Variants in PPFIA1 observed in about 807,000 individuals in gnomAD.
The protein encoded by PPFIA1 is PPFI scaffold protein A1, also known as liprin-alpha-1.
A neutral mutation model predicts 149.9 loss-of-function variants in PPFIA1; 25 were observed. The ratio of observed to expected loss-of-function variants is 0.17; its 90% CI spans 0.12 to 0.23. The LOEUF (loss-of-function observed/expected upper bound fraction) is 0.23. Among genes scored for constraint, PPFIA1 ranks in the 10% least tolerant of loss-of-function variants. The pLI is 1.00. For missense variants in PPFIA1, 1,362 were observed against 1,506.5 expected, an observed-to-expected ratio of 0.90 and a Z score of 1.59; for synonymous variants, 549 against 552.8, an observed-to-expected ratio of 0.99 and a Z score of 0.10.
intron 21 of PPFIA1, chr11:70,365,697 C>T: frequency 5.7e-6 from 2 of 352,842 alleles, no homozygotes; most frequent in Non-Finnish European, 1.1e-5. Flanking sequence ...TCAGTTGAGC[C>T]TCCATGTGAC....
At chr11:70,365,185 A>G (rs1401579008) in intron 21 of PPFIA1, 3 of 240,490 alleles carry the variant, frequency 1.2e-5, no homozygotes, top group Non-Finnish European at 2.6e-5. Context: ...TCTTCTCCTG[A>G]TGGTGTTGAC....
chr11:70,308,151 C>T (rs1041349330), intron 2 of PPFIA1, among the ~76,000 whole-genome samples: 4 of 152,328 alleles, frequency 2.6e-5, no homozygotes, highest in Non-Finnish European at 4.4e-5. Flanking sequence ...TGGGATCAAG[C>T]GATTCTCCTC....
intron 2 of PPFIA1, among the ~76,000 whole-genome samples, chr11:70,304,128 G>A (rs138490312): frequency 6.6e-6 from 1 of 152,308 alleles, no homozygotes; most frequent in African/African-American, 2.4e-5. Context: ...GTTATCCAGT[G>A]GCCAATGATG....
At chr11:70,275,929 T>G (rs2050356747) in intron 2 of PPFIA1, among the ~76,000 whole-genome samples, 1 of 152,220 alleles carries the variant, frequency 6.6e-6, no homozygotes. Flanking sequence ...GGATTACCAC[T>G]GTGAGCCACC....
intron 23 of PPFIA1, chr11:70,373,966 A>G (rs913403670): frequency 5.9e-5 from 9 of 152,230 alleles, no homozygotes; most frequent in Admixed American, 5.2e-4. Flanking sequence ...TCTTTTTCCA[A>G]TAGACAAAGA....
Position 70,343,872 on chromosome 11 carries a change from C to G in PPFIA1, c.1911C>G (p.Asp637Glu), listed in dbSNP as rs556328141. 1 of 1,613,696 alleles carries G rather than the reference C, an allele frequency of 6.2e-7. No individual in the cohort carries two copies. The highest frequency in any genetic ancestry group is 1.1e-5 in the South Asian group (1 of 90,976). ...TLAMMLQEQL[D>E]AINKEIRLIQ... Reference sequence around the variant, plus strand: ...CCATGATGCTTCAGGAGCAGCTGGACGCCATCAACAAAGAGATCAGGTGTG... The same window carrying G: ...CCATGATGCTTCAGGAGCAGCTGGAGGCCATCAACAAAGAGATCAGGTGTG... The change falls in exon 15 of 28, where the codon GAC becomes GAG. Residue 637 changes from aspartate to glutamate, a missense_variant. Physicochemically the swap from Asp to Glu is conservative, Grantham distance 45. This residue lies in a region of PPFIA1 where 733 missense variants were observed against 744.1 expected (regional missense o/e 0.99). Transcript: ENST00000253925.
chr11:70,315,437 A>G lies in PPFIA1; in HGVS notation c.265-8965A>G, dbSNP rs139259012. On this transcript the variant is annotated intron_variant, in intron 2 of 27. Coordinates refer to ENST00000253925, the MANE Select transcript of PPFIA1 (RefSeq NM_003626.5). ...ATAGATGTTTATTAGCATACTTTTA[A>G]TCGTGGCACCAGGGTTTCAAAACAT... Among the ~76,000 whole-genome samples, 764 of 152,228 alleles carry G rather than the reference A, an allele frequency of 5.0e-3. 10 individuals carry two copies. Among genetic ancestry groups the G allele is most frequent in the African/African-American group, 0.017 (720 of 41,530 alleles).
At chr11:70,363,488 T>C (rs1242756156) in intron 21 of PPFIA1, 1 of 152,234 alleles carries the variant, frequency 6.6e-6, no homozygotes, top group Admixed American at 6.5e-5. Flanking sequence ...CCAGGCTTCT[T>C]AGAAGCACCC....
chr11:70,337,498 G>T lies in PPFIA1; in HGVS notation c.1491+71G>T, dbSNP rs1000394130. 3 of 1,208,160 alleles carry T rather than the reference G, an allele frequency of 2.5e-6. No homozygotes were observed. In the Admixed American group the frequency reaches 7.4e-5, roughly 30 times the overall value. 74.8% of individuals were successfully genotyped at this position (1,208,160 alleles called of 1,614,324 possible). On this transcript the variant is annotated intron_variant, in intron 12 of 27. Transcript: ENST00000253925. The stretch of plus-strand genomic sequence containing the variant: ...GTTGATGATGATGATAGTTACTGCA[G>T]ATGTCTGACAGTGGAGAGCAGCTTG...
intron 2 of PPFIA1, among the ~76,000 whole-genome samples, chr11:70,321,685 A>G (rs1591200001): frequency 6.6e-6 from 1 of 152,376 alleles, no homozygotes; most frequent in South Asian, 2.1e-4. Flanking sequence ...CCAGGATGAT[A>G]GACTCTGGAC....
At chr11:70,382,039 C>CT (rs764194202) in intron 26 of PPFIA1, 49 bp from the exon 27 acceptor site, 1 of 1,554,138 alleles carries the variant, frequency 6.4e-7, no homozygotes, top group Non-Finnish European at 8.9e-7. Flanking sequence ...TGTTCTAAGA[C>CT]TAACTGCACG....
At chr11:70,336,964 C>G (rs1161009509) in intron 11 of PPFIA1, among the ~76,000 whole-genome samples, 1 of 152,234 alleles carries the variant, frequency 6.6e-6, no homozygotes, top group Non-Finnish European at 1.5e-5. Flanking sequence ...TCCCACTCAC[C>G]TCCTTGATCA....
chr11:70,352,779 GGCGGC>G (rs1208915470), intron 16 of PPFIA1, among the ~76,000 whole-genome samples: 1 of 145,438 alleles, frequency 6.9e-6, no homozygotes, highest in African/African-American at 2.6e-5. Flanking sequence ...GGTGTCGGAG[GGCGGC>G]GTGTGGAGGG....
Position 70,325,558 on chromosome 11 carries a change from G to A in PPFIA1, c.590G>A (p.Gly197Asp). The A allele has an allele frequency of 6.3e-7, 1 of 1,578,882 alleles. No homozygotes were observed. The highest frequency in any genetic ancestry group is 8.7e-7 in the Non-Finnish European group (1 of 1,148,314). Residue 197 changes from glycine to aspartate, a missense_variant, in exon 5 of 28, where the codon GGT (glycine) becomes GAT (aspartate). Physicochemically the swap from Gly to Asp is moderately conservative, Grantham distance 94. Transcript: ENST00000253925. ...TGTAGTTTGTTAGAAGAGGAATTAG[G>A]TGCCACACACAAAGAGGTAAGCTTG... ...ERCSLLEEELGATHKELMILK... is the reference protein window; with the variant it reads ...ERCSLLEEELDATHKELMILK...
intron 21 of PPFIA1, chr11:70,363,112 T>TA (rs2056746122): frequency 6.6e-6 from 1 of 152,312 alleles, no homozygotes; most frequent in Non-Finnish European, 1.5e-5. Flanking sequence ...TTTTAAATGT[T>TA]ACTGGAATAT....
intron 25 of PPFIA1, among the ~76,000 whole-genome samples, 170 bp from the exon 26 acceptor site, chr11:70,377,860 G>A (rs559395779): frequency 1.3e-5 from 2 of 152,260 alleles, no homozygotes; most frequent in African/African-American, 4.8e-5. Flanking sequence ...CCCGTTTCAC[G>A]CTGAAGTTCC....
chr11:70,381,385 C>T (rs1049064884), intron 26 of PPFIA1: 1 of 152,174 alleles, frequency 6.6e-6, no homozygotes, highest in African/African-American at 2.4e-5. Context: ...TATGGCCACA[C>T]TGTGTTTCTT....
At position 70,344,837 on chromosome 11, in the gene PPFIA1, G is replaced by A. The variant is rs967883175; in HGVS notation, c.1931+945G>A. Among the ~76,000 whole-genome samples the A allele has an allele frequency of 3.9e-5, 6 of 152,340 alleles. No homozygotes were observed. The South Asian group carries it at 1.0e-3, about 26-fold the overall frequency. ...TGTGTGTGTGTTGACTGTTGGTGTA[G>A]AACAAATTACTACGGAGCTCAGTGG... On this transcript the variant is annotated intron_variant, in intron 15 of 27. Coordinates refer to ENST00000253925, the MANE Select transcript of PPFIA1 (RefSeq NM_003626.5).
rs757070614 is a variant in PPFIA1, at chr11:70,272,213, G to C, written c.41G>C (p.Gly14Ala). The change falls in exon 2 of 28, where the codon GGC becomes GCC. Residue 14 changes from glycine to alanine, a missense_variant. Coordinates refer to ENST00000253925, the MANE Select transcript of PPFIA1 (RefSeq NM_003626.5). ...ATGCCGACCATCAGCGAAGCAGAAG[G>C]CCCCCCTGGAGGAGGTGGAGGCCAT... ...EVMPTISEAE[G>A]PPGGGGGHGS... The C allele has an allele frequency of 3.1e-6, 5 of 1,614,006 alleles. No homozygotes were observed. Among genetic ancestry groups the C allele is most frequent in the South Asian group, 1.1e-5 (1 of 91,072 alleles).
Sources: gnomAD v4.1 joint callset for allele counts (sites outside exome capture counted in the v4.1 genomes callset) on GRCh38, gnomAD v4.1.1 for gene constraint, gnomAD v4.1.1 regional missense constraint, MANE v1.5 for transcripts, NCBI Gene and HGNC (gene_info 2026-07-23, HGNC 2026-07-21) for gene names.